CNR2: variants seen among roughly 807,000 people sequenced by gnomAD.
CNR2 encodes cannabinoid receptor 2.
For missense variants in CNR2, 379 were observed against 439.9 expected (o/e 0.86, Z 1.24); for synonymous variants, 172 against 182.2 (o/e 0.94, Z 0.45).
chr1:23,895,781 C>T (rs565997540), intron 1 of CNR2, among the ~76,000 whole-genome samples: 5 of 152,026 alleles, frequency 3.3e-5, no homozygotes, highest in African/African-American at 7.3e-5. Flanking sequence ...GGGATTACAG[C>T]GTGAGCCACC....
chr1:23,879,622 C>G (rs1639944519), intron 1 of CNR2, among the ~76,000 whole-genome samples: 1 of 151,518 alleles, frequency 6.6e-6, no homozygotes, highest in African/African-American at 2.4e-5. Flanking sequence ...CAAACAAAAA[C>G]AAAAACAAAG....
chr1:23,903,609 G>C (rs1219643303), intron 1 of CNR2, among the ~76,000 whole-genome samples: 1 of 149,968 alleles, frequency 6.7e-6, no homozygotes, highest in East Asian at 1.9e-4. Context: ...TCTTTTTAAC[G>C]TGCGTCAGTA....
chr1:23,907,515 G>A (rs1367540665), intron 1 of CNR2, among the ~76,000 whole-genome samples: 1 of 151,690 alleles, frequency 6.6e-6, no homozygotes, highest in Non-Finnish European at 1.5e-5. Context: ...TTTTGAGGTG[G>A]AGTCTTGCTT....
chr1:23,888,658 A>G (rs1557527799), intron 1 of CNR2, among the ~76,000 whole-genome samples: 1 of 152,076 alleles, frequency 6.6e-6, no homozygotes, highest in Non-Finnish European at 1.5e-5. Context: ...TTCTGAACCT[A>G]TTCTGGGCTG....
At chr1:23,883,749 C>T (rs1271448940) in intron 1 of CNR2, among the ~76,000 whole-genome samples, 6 of 151,978 alleles carry the variant, frequency 3.9e-5, no homozygotes, top group South Asian at 2.1e-4. Flanking sequence ...CGCTTGAACC[C>T]GGGAGGCGGA....
At chr1:23,909,105 C>G (rs1640544377) in intron 1 of CNR2, among the ~76,000 whole-genome samples, 1 of 152,056 alleles carries the variant, frequency 6.6e-6, no homozygotes, top group African/African-American at 2.4e-5. Flanking sequence ...CACATCCTCC[C>G]CGACTGGATG....
chr1:23,887,566 A>G (rs1278536038), intron 1 of CNR2, among the ~76,000 whole-genome samples: 1 of 152,156 alleles, frequency 6.6e-6, no homozygotes, highest in East Asian at 1.9e-4. Flanking sequence ...AGCATCTGAC[A>G]ATGGGACACA....
intron 1 of CNR2, among the ~76,000 whole-genome samples, chr1:23,890,072 G>A (rs1187243947): frequency 6.6e-6 from 1 of 151,572 alleles, no homozygotes; most frequent in Non-Finnish European, 1.5e-5. Context: ...GAATAGCCTG[G>A]CCAACATGGT....
chr1:23,912,582 G>T (rs997063609), intron 1 of CNR2, among the ~76,000 whole-genome samples: 7 of 152,242 alleles, frequency 4.6e-5, no homozygotes, highest in African/African-American at 1.7e-4. Context: ...GGACAACAGT[G>T]ATAGCTCCTA....
chr1:23,881,463 C>T (rs573051178), intron 1 of CNR2, among the ~76,000 whole-genome samples: 81 of 150,488 alleles, frequency 5.4e-4, no homozygotes, highest in African/African-American at 1.9e-3. Context: ...CCTGGTGGTG[C>T]ACACCTGTAA....
chr1:23,889,629 G>A (rs1176718466), intron 1 of CNR2, among the ~76,000 whole-genome samples: 6 of 152,106 alleles, frequency 3.9e-5, no homozygotes, highest in Non-Finnish European at 7.4e-5. Flanking sequence ...TGACCATCCG[G>A]GCCTTTCTTT....
intron 1 of CNR2, among the ~76,000 whole-genome samples, chr1:23,911,687 G>A (rs1417471942): frequency 1.3e-5 from 2 of 152,170 alleles, no homozygotes; most frequent in Non-Finnish European, 2.9e-5. Flanking sequence ...TGGGAAGAGA[G>A]GGGGCTGGCG....
In CNR2 at chr1:23,875,142, A is replaced by G. The variant is rs1352082292; in HGVS notation, c.476T>C (p.Val159Ala). 8 of 1,612,612 alleles carry G rather than the reference A, an allele frequency of 5.0e-6. No individual in the cohort carries two copies. In the South Asian group the frequency reaches 8.8e-5, roughly 18 times the overall value. Residue 159 changes from valine (V) to alanine (A), a missense_variant, in exon 2 of 2, where the codon GTC becomes GCC. Val to Ala is a moderately conservative substitution (Grantham distance 64). Coordinates refer to ENST00000374472, the MANE Select transcript of CNR2 (RefSeq NM_001841.3). ...CAGGTAGGAGACTAGTGCTGAGAGG[A>G]CCCACATGATGCCCAGGGTCACCAG... ...RALVTLGIMW[V>A]LSALVSYLPL...
At chr1:23,880,942 G>C (rs1639974487) in intron 1 of CNR2, among the ~76,000 whole-genome samples, 1 of 150,508 alleles carries the variant, frequency 6.6e-6, no homozygotes, top group African/African-American at 2.4e-5. Context: ...ATGATCTGTT[G>C]TATAAAATTG....
intron 1 of CNR2, among the ~76,000 whole-genome samples, chr1:23,891,401 C>A (rs1013975549): frequency 1.1e-4 from 17 of 151,574 alleles, no homozygotes; most frequent in Admixed American, 6.6e-4. Flanking sequence ...GGCAGATCAC[C>A]TGAGTTCAGG....
chr1:23,899,676 G>T (rs921874855), intron 1 of CNR2, among the ~76,000 whole-genome samples: 1 of 148,726 alleles, frequency 6.7e-6, no homozygotes, highest in South Asian at 2.2e-4. Flanking sequence ...TTAGCCAGGT[G>T]TGGTGGTGCA....
chr1:23,902,945 T>G (rs1640427663), intron 1 of CNR2, among the ~76,000 whole-genome samples: 1 of 151,426 alleles, frequency 6.6e-6, no homozygotes, highest in African/African-American at 2.4e-5. Flanking sequence ...GGGGGCAGCC[T>G]CGGAGCCTGT....
chr1:23,908,206 C>A (rs560437335), intron 1 of CNR2, among the ~76,000 whole-genome samples: 3 of 152,170 alleles, frequency 2.0e-5, no homozygotes, highest in South Asian at 2.1e-4. Context: ...GTCTCGATAT[C>A]CTGACCTCAT....
chr1:23,894,742 G>C (rs942233805), intron 1 of CNR2, among the ~76,000 whole-genome samples: 3 of 143,006 alleles, frequency 2.1e-5, no homozygotes, highest in Admixed American at 7.5e-5. Flanking sequence ...CTCCACCCTG[G>C]GCAACAGAGT....
Sources: gnomAD v4.1 joint callset for allele counts (sites outside exome capture counted in the v4.1 genomes callset) on GRCh38, gnomAD v4.1.1 for gene constraint, MANE v1.5 for transcripts, NCBI Gene and HGNC (gene_info 2026-07-23, HGNC 2026-07-21) for gene names.